The following WWTR1 variants were observed in gnomAD, a reference collection of about 807,000 sequenced individuals.
WWTR1 encodes WW domain-containing transcription regulator protein 1.
WWTR1 carries 13 observed loss-of-function variants against 40.1 expected under a neutral mutation model. The observed-to-expected ratio is 0.32, with a 90% CI of 0.21 to 0.52. The LOEUF (loss-of-function observed/expected upper bound fraction) is 0.52. Ranked by LOEUF, WWTR1 falls within the 20% of genes least tolerant of loss-of-function variation. The pLI is 0.97. For missense variants in WWTR1, 436 were observed against 523.1 expected (o/e 0.83, Z 1.63); for synonymous variants, 230 against 210.1 (o/e 1.09, Z -0.82).
intron 2 of WWTR1, among the ~76,000 whole-genome samples, chr3:149,603,753 A>T (rs1018551581): frequency 6.6e-6 from 1 of 152,030 alleles, no homozygotes; most frequent in Admixed American, 6.6e-5. Context: ...TGTCCTTAGT[A>T]ACGCAGAAAA....
At chr3:149,592,800 G>A (rs1738795828) in intron 2 of WWTR1, among the ~76,000 whole-genome samples, 1 of 152,078 alleles carries the variant, frequency 6.6e-6, no homozygotes, top group Non-Finnish European at 1.5e-5. Flanking sequence ...TTGGTTCGGG[G>A]TCACAGCTGC....
In WWTR1 at chr3:149,620,022, C is replaced by T. The variant is rs559625042; in HGVS notation, c.431+36854G>A. Among the ~76,000 whole-genome samples, 3 of 152,296 alleles carry T rather than the reference C, an allele frequency of 2.0e-5. No homozygotes were observed. In the South Asian group the frequency reaches 6.2e-4, roughly 32 times the overall value. ...CTTAGCTCCATTTAACATCTACACGCTTTGATGTATTTTGGTCCTGGGCTC... is the reference window on the plus strand; with the variant it reads ...CTTAGCTCCATTTAACATCTACACGTTTTGATGTATTTTGGTCCTGGGCTC... On this transcript the variant is annotated intron_variant, in intron 2 of 6. Transcript: ENST00000360632.
At chr3:149,567,651 C>T (rs979678424) in intron 3 of WWTR1, among the ~76,000 whole-genome samples, 9 of 152,142 alleles carry the variant, frequency 5.9e-5, no homozygotes, top group Non-Finnish European at 1.0e-4. Context: ...AGGCAACTGG[C>T]TAACAATAAT....
At chr3:149,651,992 A>ATTTTTTTTTTTTTTTTTTTTTTTTTTT (rs368845286) in intron 2 of WWTR1, among the ~76,000 whole-genome samples, 1 of 93,714 alleles carries the variant, frequency 1.1e-5, no homozygotes. Context: ...CGCCCGGCTA[A>ATTTTTTTTTTTTTTTTTTTTTTTTTTT]TTTTTTTTTT....
chr3:149,576,225 G>A (rs1185252554), intron 2 of WWTR1: 2 of 392,750 alleles, frequency 5.1e-6, no homozygotes, highest in Non-Finnish European at 1.0e-5. Flanking sequence ...GTAAGAGTGA[G>A]CTATTGCTCA....
chr3:149,601,345 G>T (rs531143334), intron 2 of WWTR1, among the ~76,000 whole-genome samples: 2 of 152,232 alleles, frequency 1.3e-5, no homozygotes, highest in South Asian at 4.1e-4. Context: ...TGACACAGGT[G>T]AGCCCCCATA....
intron 1 of WWTR1, chr3:149,670,858 A>C (rs2060497): frequency 0.54 from 81,298 of 151,904 alleles, 22,548 homozygotes; most frequent in Middle Eastern, 0.63. Flanking sequence ...AAAAGTTATC[A>C]CACTGCTTAG....
chr3:149,660,297 A>G (rs556302455), upstream of WWTR1: 3 of 152,360 alleles, frequency 2.0e-5, no homozygotes, highest in African/African-American at 7.2e-5. Context: ...CTACTCTAGG[A>G]AAGTCCTCAC....
chr3:149,663,688 T>G (rs1713683463), intron 2 of WWTR1, among the ~76,000 whole-genome samples: 1 of 152,030 alleles, frequency 6.6e-6, no homozygotes, highest in African/African-American at 2.4e-5. Flanking sequence ...AGAGCGAGAC[T>G]CCATCTTAAA....
chr3:149,715,839 A>C (rs1042281247), intron 5 of WWTR1, among the ~76,000 whole-genome samples: 2 of 152,190 alleles, frequency 1.3e-5, no homozygotes, highest in Non-Finnish European at 2.9e-5. Context: ...AAATAGTAAA[A>C]ATATGAATAG....
At chr3:149,693,861 T>C (rs1470263699) in intron 1 of WWTR1, among the ~76,000 whole-genome samples, 1 of 152,168 alleles carries the variant, frequency 6.6e-6, no homozygotes, top group Non-Finnish European at 1.5e-5. Flanking sequence ...TATCTTGATA[T>C]ATAAAAATCA....
chr3:149,713,541 C>T lies in WWTR1; in HGVS notation n.584+3901G>A, dbSNP rs572900518. ...GATTACAGGTACCCGCCACCACGCC[C>T]GACTAATTTTTGTATTTTTAGTAGA... On this transcript the variant is annotated intron_variant and non_coding_transcript_variant, in intron 5 of 6. Transcript: ENST00000474080. Among the ~76,000 whole-genome samples the T allele has an allele frequency of 1.2e-4, 19 of 152,100 alleles. 1 individual carries two copies. In the South Asian group the frequency reaches 1.5e-3, roughly 12 times the overall value.
intron 4 of WWTR1, among the ~76,000 whole-genome samples, chr3:149,541,262 G>A (rs1305063631): frequency 6.6e-6 from 1 of 152,206 alleles, no homozygotes; most frequent in African/African-American, 2.4e-5. Flanking sequence ...AAAGAATTCT[G>A]CTCTTCCATA....
At chr3:149,583,937 C>A (rs1317372592) in intron 2 of WWTR1, among the ~76,000 whole-genome samples, 2 of 152,140 alleles carry the variant, frequency 1.3e-5, no homozygotes, top group African/African-American at 4.8e-5. Flanking sequence ...GAAATGTTTC[C>A]CATATCAACT....
chr3:149,620,796 C>T (rs181371575), intron 2 of WWTR1, among the ~76,000 whole-genome samples: 27 of 152,300 alleles, frequency 1.8e-4, no homozygotes, highest in African/African-American at 6.0e-4. Flanking sequence ...TTGCATCTGC[C>T]CCACATGGGG....
At chr3:149,713,829 A>G (rs978810726) in intron 5 of WWTR1, among the ~76,000 whole-genome samples, 3 of 152,204 alleles carry the variant, frequency 2.0e-5, no homozygotes, top group Non-Finnish European at 4.4e-5. Flanking sequence ...TGTGGCACGC[A>G]TCCCTGAGGC....
At chr3:149,718,378 GTC>G (rs1715664056) in intron 4 of WWTR1, among the ~76,000 whole-genome samples, 2 of 152,336 alleles carry the variant, frequency 1.3e-5, no homozygotes, top group East Asian at 1.9e-4. Flanking sequence ...AGGGCCACTA[GTC>G]TCTGTTCACA....
chr3:149,617,161 T>A (rs920561563), intron 2 of WWTR1, among the ~76,000 whole-genome samples: 4 of 152,194 alleles, frequency 2.6e-5, no homozygotes, highest in Admixed American at 2.0e-4. Flanking sequence ...ATAGCTGGTT[T>A]CCATTTAGGA....
At chr3:149,697,107 G>T (rs1265813778) in intron 1 of WWTR1, among the ~76,000 whole-genome samples, 1 of 152,132 alleles carries the variant, frequency 6.6e-6, no homozygotes, top group Non-Finnish European at 1.5e-5. Flanking sequence ...TTTTTATATT[G>T]CTATAAAGGA....
Sources: gnomAD v4.1 joint callset for allele counts (sites outside exome capture counted in the v4.1 genomes callset) on GRCh38, gnomAD v4.1.1 for gene constraint, MANE v1.5 for transcripts, NCBI Gene and HGNC (gene_info 2026-07-23, HGNC 2026-07-21) for gene names.